The following IRX1 variants were observed in gnomAD, a reference collection of about 807,000 sequenced individuals.
IRX1 encodes the protein iroquois homeobox 1.
A neutral mutation model predicts 34.1 loss-of-function variants in IRX1; 22 were observed. The ratio of observed to expected loss-of-function variants is 0.64; its 90% CI spans 0.46 to 0.92. The LOEUF (loss-of-function observed/expected upper bound fraction) is 0.92. Among genes scored for constraint, IRX1 ranks in the 40% least tolerant of loss-of-function variants. The pLI is 0.00. For missense variants in IRX1, 758 were observed against 680.0 expected (o/e 1.11, Z -1.28); for synonymous variants, 363 against 319.0 (o/e 1.14, Z -1.47).
At position 3,596,086 on chromosome 5, in the gene IRX1, C is replaced by A; in HGVS notation, c.-20C>A. The A allele has an allele frequency of 1.9e-6, 2 of 1,056,326 alleles. No homozygotes were observed. Among genetic ancestry groups the A allele is most frequent in the Non-Finnish European group, 2.3e-6 (2 of 875,718 alleles). The allele number at this position is 1,056,326 out of a possible 1,614,324, so 65.4% of individuals were successfully genotyped here. On this transcript the variant is annotated 5_prime_UTR_variant, in exon 1 of 4. Coordinates refer to ENST00000302006, the MANE Select transcript of IRX1 (RefSeq NM_024337.4). ...CGCCTTTAATACTCGCCCGCTGCGG[C>A]GGTCGCCGAGTCCGCGGACATGTCC...
chr5:3,596,318 G>A lies in IRX1; in HGVS notation c.213G>A (p.Ala71=). ...TGTACGCGGCGGCGGGGCCGTACGC[G>A]GGCGCGCCCAACTACAGCGCCTTCC... The part of the protein sequence containing the change: ...LGMYAAAGPY[A]GAPNYSAFLP... Residue 71 remains alanine (A), a synonymous_variant, in exon 1 of 4, where the codon GCG becomes GCA. Coordinates refer to ENST00000302006, the MANE Select transcript of IRX1 (RefSeq NM_024337.4). 2 of 1,496,594 alleles carry A rather than the reference G, an allele frequency of 1.3e-6. No homozygotes were observed. The highest frequency in any genetic ancestry group is 1.8e-6 in the Non-Finnish European group (2 of 1,126,130). 92.7% of individuals were successfully genotyped at this position (1,496,594 alleles called of 1,614,324 possible). A position where few individuals can be genotyped will look rare whatever the true frequency, so the allele number is the denominator to read the frequency against.
rs1743691685 is a variant in IRX1, at chr5:3,596,285, G to C, written c.180G>C (p.Val60=). The C allele has an allele frequency of 2.1e-6, 3 of 1,403,696 alleles. No homozygotes were observed. In the Admixed American group the frequency reaches 8.1e-5, roughly 38 times the overall value. 87.0% of individuals were successfully genotyped at this position (1,403,696 alleles called of 1,614,324 possible). ...CAGGCGCGGCTGCAGTCACCTCGGT[G>C]CTGGGCATGTACGCGGCGGCGGGGC... ...GGAGAAAVTS[V]LGMYAAAGPY... Residue 60 remains valine, a synonymous_variant, in exon 1 of 4, where the codon GTG becomes GTC. Transcript: ENST00000302006.
At chr5:3,598,932 T>C (rs1239787942) in intron 1 of IRX1, among the ~76,000 whole-genome samples, 1 of 152,192 alleles carries the variant, frequency 6.6e-6, no homozygotes, top group Non-Finnish European at 1.5e-5. Context: ...GAGAGTGCAC[T>C]GTTTGTGGAA....
chr5:3,600,606 C>T lies in IRX1; in HGVS notation c.1313-3C>T. 2 of 1,612,768 alleles carry T rather than the reference C, an allele frequency of 1.2e-6. No individual in the cohort carries two copies. Among genetic ancestry groups the T allele is most frequent in the Non-Finnish European group, 1.7e-6 (2 of 1,179,060 alleles). The stretch of plus-strand genomic sequence containing the variant: ...TAACTCTGCCTCTTCCGATCTCTCG[C>T]AGAGAGAGACCTCGTCCCCAGGCCA... On this transcript the variant is annotated splice_polypyrimidine_tract_variant and splice_region_variant and intron_variant, in intron 2 of 3. Transcript: ENST00000302006.
In IRX1 at chr5:3,597,285, T is replaced by A. The variant is rs116740125; in HGVS notation, c.276+904T>A. Among the ~76,000 whole-genome samples, 849 of 152,334 alleles carry A rather than the reference T, an allele frequency of 5.6e-3. 7 individuals carry two copies. Among genetic ancestry groups the A allele is most frequent in the African/African-American group, 0.02 (815 of 41,576 alleles). On this transcript the variant is annotated intron_variant, in intron 1 of 3. Coordinates refer to ENST00000302006, the MANE Select transcript of IRX1 (RefSeq NM_024337.4). Reference sequence around the variant, plus strand: ...GGTCCAAATCATCCATTTTCCTTGGTCTGACTGCAAGGTCGGTGCTTAAAC... The same window carrying A: ...GGTCCAAATCATCCATTTTCCTTGGACTGACTGCAAGGTCGGTGCTTAAAC...
At chr5:3,596,509 G>A (rs1377524111) in intron 1 of IRX1, 128 bp downstream of exon 1, 6 of 1,013,900 alleles carry the variant, frequency 5.9e-6, no homozygotes, top group Non-Finnish European at 7.6e-6. Flanking sequence ...AGGTCCGGGG[G>A]CAGGTTCCCG....
intron 1 of IRX1, among the ~76,000 whole-genome samples, chr5:3,596,775 C>T (rs1309510466): frequency 6.6e-6 from 1 of 152,176 alleles, no homozygotes; most frequent in Non-Finnish European, 1.5e-5. Context: ...CGTAGCAGGA[C>T]TTCCCTTCCT....
At chr5:3,600,837 G>T in intron 3 of IRX1, 146 bp from the exon 4 acceptor site, 1 of 1,145,198 alleles carries the variant, frequency 8.7e-7, no homozygotes, top group South Asian at 1.3e-5. Context: ...GGCGAGCCGA[G>T]GAGACTGGAG....
rs1462568338 is a variant in IRX1, at chr5:3,600,197, G to T, written c.1249G>T (p.Ala417Ser). 1.2e-6 allele frequency: 2 copies of T among 1,611,732 alleles called. No homozygotes were observed. The highest frequency in any genetic ancestry group is 8.5e-7 in the Non-Finnish European group (1 of 1,179,542). Residue 417 changes from alanine (A) to serine (S), a missense_variant, in exon 2 of 4, where the codon GCT becomes TCT. Transcript: ENST00000302006. The part of the protein sequence containing the change: ...PAPPPPQPPV[A>S]IAPGALNGDK... ...ACCTCCACCACCGCAGCCGCCGGTC[G>T]CTATTGCCCCGGGGGCACTCAATGG...
Position 3,601,077 on chromosome 5 carries a change from G to A in IRX1, c.*37G>A. 2 of 1,549,140 alleles carry A rather than the reference G, an allele frequency of 1.3e-6. No individual in the cohort carries two copies. Among genetic ancestry groups the A allele is most frequent in the Non-Finnish European group, 1.8e-6 (2 of 1,121,974 alleles). On this transcript the variant is annotated 3_prime_UTR_variant, in exon 4 of 4. Transcript: ENST00000302006. ...CTTTTACTTTTGCGGGGGGGAGGGG[G>A]GAGGAGTTGGGGAGGGAGGGAATGT...
In IRX1 at chr5:3,600,071, A is replaced by G. The variant is rs1733918729; in HGVS notation, c.1123A>G (p.Thr375Ala). The change falls in exon 2 of 4, where the codon ACC (threonine) becomes GCC (alanine). Residue 375 changes from threonine to alanine, a missense_variant. Around this residue, in one of 3 missense-constraint regions of IRX1, gnomAD observed 529 missense variants for 418.8 expected, o/e 1.26. Transcript: ENST00000302006. ...TCHIGKFSNW[T>A]NSAFLAQGSL... Reference sequence around the variant, plus strand: ...CCACATCGGCAAGTTCTCCAACTGGACCAACAGCGCATTCCTCGCACAGGG... The same window carrying G: ...CCACATCGGCAAGTTCTCCAACTGGGCCAACAGCGCATTCCTCGCACAGGG... 1 of 1,611,736 alleles carries G rather than the reference A, an allele frequency of 6.2e-7. No individual in the cohort carries two copies. Among genetic ancestry groups the G allele is most frequent in the Non-Finnish European group, 8.5e-7 (1 of 1,179,066 alleles).
Position 3,596,374 on chromosome 5 carries a change from C to G in IRX1, c.269C>G (p.Ser90Trp). The change falls in exon 1 of 4, where the codon TCG becomes TGG. Residue 90 changes from serine to tryptophan, a missense_variant. Ser to Trp is a radical substitution (Grantham distance 177). Around this residue, in one of 3 missense-constraint regions of IRX1, gnomAD observed 195 missense variants for 195.0 expected, o/e 1.00. Transcript: ENST00000302006. ...TACGCCGCGGATCTCAGCCTCTTCT[C>G]GCAGATGGTGAGTGCGCCCGGCCTC... ...LPYAADLSLFSQMGSQYELKD... is the reference protein window; with the variant it reads ...LPYAADLSLFWQMGSQYELKD... The G allele has an allele frequency of 6.5e-7, 1 of 1,535,224 alleles. No individual in the cohort carries two copies. The highest frequency in any genetic ancestry group is 8.7e-7 in the Non-Finnish European group (1 of 1,144,968).
chr5:3,600,129 T>C lies in IRX1; in HGVS notation c.1181T>C (p.Val394Ala). The change falls in exon 2 of 4, where the codon GTT becomes GCT. Residue 394 changes from valine (V) to alanine (A), a missense_variant. By Grantham distance (64) the Val-to-Ala change is moderately conservative. Coordinates refer to ENST00000302006, the MANE Select transcript of IRX1 (RefSeq NM_024337.4). ...SLLNMRSFLG[V>A]GAPHAAPHGP... Reference sequence around the variant, plus strand: ...CTCAACATGCGCTCCTTCCTGGGCGTTGGCGCTCCCCACGCCGCGCCCCAT... The same window carrying C: ...CTCAACATGCGCTCCTTCCTGGGCGCTGGCGCTCCCCACGCCGCGCCCCAT... 3.1e-6 allele frequency: 5 copies of C among 1,613,242 alleles called. No individual in the cohort carries two copies. In the South Asian group the frequency reaches 4.4e-5, roughly 14 times the overall value.
In IRX1 at chr5:3,601,035, G is replaced by T. The variant is rs1375733492; in HGVS notation, c.1438G>T (p.Ala480Ser). 1 of 1,612,584 alleles carries T rather than the reference G, an allele frequency of 6.2e-7. No homozygotes were observed. Among genetic ancestry groups the T allele is most frequent in the Non-Finnish European group, 8.5e-7 (1 of 1,179,408 alleles). ...TPRILAALPSA is the reference protein window; with the variant it reads ...TPRILAALPSS ...GCGGATCCTAGCAGCCCTCCCGTCCGCCTGATTAAGGGTCTTCTTTTACTT... is the reference window on the plus strand; with the variant it reads ...GCGGATCCTAGCAGCCCTCCCGTCCTCCTGATTAAGGGTCTTCTTTTACTT... The change falls in exon 4 of 4, where the codon GCC (alanine) becomes TCC (serine). Residue 480 changes from alanine (A) to serine (S), a missense_variant. By Grantham distance (99) the Ala-to-Ser change is moderately conservative (BLOSUM62 1). Coordinates refer to ENST00000302006, the MANE Select transcript of IRX1 (RefSeq NM_024337.4).
At chr5:3,598,516 TAAA>T (rs58897888) in intron 1 of IRX1, among the ~76,000 whole-genome samples, 1 of 150,184 alleles carries the variant, frequency 6.7e-6, no homozygotes, top group Non-Finnish European at 1.5e-5. Context: ...CCTTTTGTAT[TAAA>T]AAAAAAAATG....
rs1474902048 is a variant in IRX1, at chr5:3,596,037, G to A, written c.-69G>A. 5 of 984,140 alleles carry A rather than the reference G, an allele frequency of 5.1e-6. No homozygotes were observed. The highest frequency in any genetic ancestry group is 1.8e-5 in the African/African-American group (1 of 56,648). 61.0% of individuals were successfully genotyped at this position (984,140 alleles called of 1,614,324 possible). ...CGCGGCGCCCCCTGCAACCCCCTCC[G>A]GCCGGCCTCCGCCTCCCTCCCCGCG... On this transcript the variant is annotated 5_prime_UTR_variant, in exon 1 of 4. Coordinates refer to ENST00000302006, the MANE Select transcript of IRX1 (RefSeq NM_024337.4).
In IRX1 at chr5:3,596,448, G is replaced by A. The variant is rs952657484; in HGVS notation, c.276+67G>A. On this transcript the variant is annotated intron_variant, in intron 1 of 3. Coordinates refer to ENST00000302006, the MANE Select transcript of IRX1 (RefSeq NM_024337.4). ...CGCGCCAGGGCAAGGGTGGCGGGTC[G>A]CCCGGGAGGGAGAGACTACGGGTGG... is the stretch of plus-strand genomic sequence containing the variant. 1.8e-5 allele frequency: 24 copies of A among 1,351,702 alleles called. No individual in the cohort carries two copies. In the African/African-American group the frequency reaches 3.4e-4, roughly 19 times the overall value. 83.7% of individuals were successfully genotyped at this position (1,351,702 alleles called of 1,614,324 possible).
Position 3,599,485 on chromosome 5 carries a change from C to T in IRX1, c.537C>T (p.Ala179=). 1.2e-6 allele frequency: 2 copies of T among 1,614,166 alleles called. No individual in the cohort carries two copies. The highest frequency in any genetic ancestry group is 1.7e-6 in the Non-Finnish European group (2 of 1,180,030). The change falls in exon 2 of 4, where the codon GCC becomes GCT. Residue 179 remains alanine (A), a synonymous_variant. Coordinates refer to ENST00000302006, the MANE Select transcript of IRX1 (RefSeq NM_024337.4). The surrounding 1 kb of genome is among the most constrained non-coding windows in gnomAD (Gnocchi z 6.6). The part of the protein sequence containing the change: ...MTLTQVSTWF[A]NARRRLKKEN... Reference sequence around the variant, plus strand: ...TCACGCAGGTCTCCACCTGGTTCGCCAACGCGCGCCGGCGCCTCAAGAAGG... The same window carrying T: ...TCACGCAGGTCTCCACCTGGTTCGCTAACGCGCGCCGGCGCCTCAAGAAGG...
At position 3,600,596 on chromosome 5, in the gene IRX1, C is replaced by G. The variant is rs1293538044; in HGVS notation, c.1313-13C>G. The G allele has an allele frequency of 1.5e-5, 24 of 1,610,302 alleles. No homozygotes were observed. The highest frequency in any genetic ancestry group is 2.0e-5 in the Non-Finnish European group (24 of 1,176,938). Reference sequence around the variant, plus strand: ...CTCTCCGTCCTAACTCTGCCTCTTCCGATCTCTCGCAGAGAGAGACCTCGT... The same window carrying G: ...CTCTCCGTCCTAACTCTGCCTCTTCGGATCTCTCGCAGAGAGAGACCTCGT... On this transcript the variant is annotated splice_polypyrimidine_tract_variant and intron_variant, in intron 2 of 3. Transcript: ENST00000302006.
Sources: gnomAD v4.1 joint callset for allele counts (sites outside exome capture counted in the v4.1 genomes callset) on GRCh38, gnomAD v4.1.1 for gene constraint, gnomAD v4.1.1 regional missense constraint, Gnocchi (gnomAD v3.1) non-coding constraint, MANE v1.5 for transcripts, NCBI Gene and HGNC (gene_info 2026-07-23, HGNC 2026-07-21) for gene names.